The following PTPRM variants were observed in gnomAD, a reference collection of about 807,000 sequenced individuals.
PTPRM encodes protein tyrosine phosphatase receptor type M, also known as receptor-type tyrosine-protein phosphatase mu.
In PTPRM, 47 loss-of-function variants were observed where a neutral mutation model predicts 186.7. That is an observed-to-expected ratio of 0.25 (90% CI 0.20 to 0.32). The LOEUF (loss-of-function observed/expected upper bound fraction) is 0.32, where lower values mean the gene tolerates loss of function less well. PTPRM is among the 10% of genes least tolerant of loss of function. PTPRM has a pLI of 1.00. For synonymous variants in PTPRM, 668 were observed against 674.9 expected, an observed-to-expected ratio of 0.99 and a Z score of 0.16; for missense variants, 1,494 against 1,865.0, an observed-to-expected ratio of 0.80 and a Z score of 3.66.
intron 11 of PTPRM, among the ~76,000 whole-genome samples, chr18:8,099,240 GC>G (rs1568338963): frequency 6.6e-6 from 1 of 151,038 alleles, no homozygotes; most frequent in Non-Finnish European, 1.5e-5. Flanking sequence ...GCCCACCCTG[GC>G]CCCCTGCCCA....
At chr18:8,147,753 G>C (rs1467519328) in intron 14 of PTPRM, among the ~76,000 whole-genome samples, 2 of 152,290 alleles carry the variant, frequency 1.3e-5, no homozygotes, top group East Asian at 3.9e-4. Flanking sequence ...TCCAACTTTT[G>C]CCCATTCACT....
At chr18:8,148,939 G>A (rs2092943563) in intron 14 of PTPRM, among the ~76,000 whole-genome samples, 1 of 152,156 alleles carries the variant, frequency 6.6e-6, no homozygotes, top group Non-Finnish European at 1.5e-5. Context: ...AGGTTGTTCA[G>A]TTTCCCTGTA....
intron 30 of PTPRM, among the ~76,000 whole-genome samples, chr18:8,386,293 A>G (rs2148543311): frequency 6.6e-6 from 1 of 152,290 alleles, no homozygotes; most frequent in Admixed American, 6.5e-5. Context: ...GAATGAAATC[A>G]AATGAGAGGC....
At chr18:7,659,921 C>T (rs543016349) in intron 1 of PTPRM, among the ~76,000 whole-genome samples, 114 of 152,268 alleles carry the variant, frequency 7.5e-4, no homozygotes, top group Non-Finnish European at 1.5e-3. Context: ...GTCATGTGTT[C>T]CCACTCTGTT....
At position 8,054,298 on chromosome 18, in the gene PTPRM, A is replaced by ATATATATATATATAT. The variant is rs1555710874; in HGVS notation, c.1133-15388_1133-15387insTATATATATATATAT. Among the ~76,000 whole-genome samples the ATATATATATATATAT allele has an allele frequency of 8.3e-4, 109 of 131,686 alleles. 3 individuals carry two copies. Among genetic ancestry groups the ATATATATATATATAT allele is most frequent in the African/African-American group, 2.5e-3 (78 of 30,790 alleles). The allele number at this position is 131,686 out of a possible 152,430, so 86.4% of individuals were successfully genotyped here. A position where few individuals can be genotyped will look rare whatever the true frequency, so the allele number is the denominator to read the frequency against. On this transcript the variant is annotated intron_variant, in intron 7 of 32. Transcript: ENST00000580170. ...AGTAGTAATATATACTAGTAGTAGT[A>ATATATATATATATAT]ATATATATATATATATATATATATT...
At chr18:8,073,525 G>T (rs2089617339) in intron 8 of PTPRM, among the ~76,000 whole-genome samples, 1 of 152,078 alleles carries the variant, frequency 6.6e-6, no homozygotes, top group African/African-American at 2.4e-5. Flanking sequence ...GTTTTTTGTT[G>T]CTTCAATGTA....
chr18:8,126,011 A>ATG (rs2092342811), intron 13 of PTPRM, among the ~76,000 whole-genome samples: 1 of 32,384 alleles, frequency 3.1e-5, no homozygotes, highest in African/African-American at 1.2e-4. Context: ...ATATATATAT[A>ATG]TATATATATA....
chr18:7,779,901 C>G (rs1397084177), intron 2 of PTPRM, among the ~76,000 whole-genome samples: 1 of 152,168 alleles, frequency 6.6e-6, no homozygotes, highest in Non-Finnish European at 1.5e-5. Flanking sequence ...CTCAGCCTAC[C>G]TTAAATTCTT....
chr18:7,906,030 A>G (rs2049963148), intron 3 of PTPRM, among the ~76,000 whole-genome samples: 1 of 152,180 alleles, frequency 6.6e-6, no homozygotes, highest in Non-Finnish European at 1.5e-5. Flanking sequence ...TTTCATGTTC[A>G]GGATCTCTCA....
At chr18:7,880,132 C>A (rs924060886) in intron 2 of PTPRM, among the ~76,000 whole-genome samples, 3 of 152,150 alleles carry the variant, frequency 2.0e-5, no homozygotes, top group Non-Finnish European at 4.4e-5. Flanking sequence ...TCAATTAACT[C>A]CCACTGGGAC....
At chr18:7,625,109 T>G (rs543864487) in intron 1 of PTPRM, among the ~76,000 whole-genome samples, 1 of 152,326 alleles carries the variant, frequency 6.6e-6, no homozygotes, top group African/African-American at 2.4e-5. Context: ...GCGTATATAT[T>G]TAGGGAGAGT....
At chr18:8,023,082 T>C (rs371091030) in intron 7 of PTPRM, among the ~76,000 whole-genome samples, 13 of 147,350 alleles carry the variant, frequency 8.8e-5, no homozygotes, top group East Asian at 7.9e-4. Flanking sequence ...CCCTCTAATA[T>C]AGGAATGTGG....
chr18:7,850,679 C>T (rs1334731351), intron 2 of PTPRM, among the ~76,000 whole-genome samples: 5 of 152,192 alleles, frequency 3.3e-5, no homozygotes, highest in Non-Finnish European at 7.3e-5. Context: ...TGAAGCCAAG[C>T]TTCTGATCAT....
chr18:7,570,445 C>T (rs1284668696), intron 1 of PTPRM, among the ~76,000 whole-genome samples: 1 of 152,206 alleles, frequency 6.6e-6, no homozygotes, highest in African/African-American at 2.4e-5. Context: ...TTCTGACTTT[C>T]TCACAAAACA....
At chr18:8,401,953 G>T (rs1426037353) in intron 32 of PTPRM, among the ~76,000 whole-genome samples, 1 of 152,186 alleles carries the variant, frequency 6.6e-6, no homozygotes, top group Non-Finnish European at 1.5e-5. Flanking sequence ...ACCGGGCCAG[G>T]CTCCCACCTG....
intron 4 of PTPRM, among the ~76,000 whole-genome samples, chr18:7,907,423 A>C (rs2050044887): frequency 6.6e-6 from 1 of 152,214 alleles, no homozygotes; most frequent in African/African-American, 2.4e-5. Context: ...CCCCAAAGTG[A>C]GGCTACGCAA....
chr18:8,244,290 A>AAG, intron 15 of PTPRM, 81 bp downstream of exon 15: 1 of 1,346,144 alleles, frequency 7.4e-7, no homozygotes, highest in Non-Finnish European at 9.8e-7. Context: ...ATTTCAAAAA[A>AAG]AAAAAAAGCT....
At chr18:8,283,738 G>A (rs2094927588) in intron 19 of PTPRM, among the ~76,000 whole-genome samples, 1 of 152,040 alleles carries the variant, frequency 6.6e-6, no homozygotes, top group Non-Finnish European at 1.5e-5. Flanking sequence ...TCAGCCTCCT[G>A]AGCCTGAGTA....
At chr18:8,057,277 A>T (rs1276471272) in intron 7 of PTPRM, among the ~76,000 whole-genome samples, 1 of 152,014 alleles carries the variant, frequency 6.6e-6, no homozygotes, top group Non-Finnish European at 1.5e-5. Context: ...ATATTAGTGG[A>T]TACACAGAAT....
Sources: allele counts gnomAD v4.1 joint callset (sites outside exome capture counted in the v4.1 genomes callset), GRCh38; gene constraint gnomAD v4.1.1; transcripts MANE v1.5; gene names NCBI Gene and HGNC (gene_info 2026-07-23, HGNC 2026-07-21).